Variants in NCKAP5 observed in about 807,000 individuals in gnomAD.
NCKAP5 encodes the protein nck-associated protein 5.
Under a neutral mutation model 167.0 loss-of-function variants are expected in NCKAP5, and 92 were observed. The ratio of observed to expected loss-of-function variants is 0.55; its 90% CI spans 0.47 to 0.66. The LOEUF is 0.66. NCKAP5 is among the 30% of genes least tolerant of loss of function. The probability of loss-of-function intolerance (pLI) is 0.00; values close to 1 mark genes in which losing one functional copy is unlikely to be tolerated. For missense variants in NCKAP5, 2,378 were observed against 2,315.0 expected, an observed-to-expected ratio of 1.03 and a Z score of -0.56; for synonymous variants, 891 against 877.4, an observed-to-expected ratio of 1.02 and a Z score of -0.27.
chr2:133,446,576 G>A (rs1691205408), intron 3 of NCKAP5, among the ~76,000 whole-genome samples: 1 of 152,150 alleles, frequency 6.6e-6, no homozygotes, highest in African/African-American at 2.4e-5. Context: ...GGGAGACCAG[G>A]CCGCCTGGTC....
chr2:132,759,126 T>G (rs1680794361), intron 16 of NCKAP5, among the ~76,000 whole-genome samples: 1 of 152,200 alleles, frequency 6.6e-6, no homozygotes, highest in African/African-American at 2.4e-5. Flanking sequence ...GGCTTTTTTT[T>G]TTCCAATCAA....
intron 4 of NCKAP5, among the ~76,000 whole-genome samples, chr2:133,226,115 A>G (rs2086877521): frequency 6.6e-6 from 1 of 151,624 alleles, no homozygotes; most frequent in African/African-American, 2.4e-5. Flanking sequence ...TTTTTAAAAA[A>G]TGTTTCTTAG....
chr2:133,373,960 T>A (rs753554584), intron 3 of NCKAP5, among the ~76,000 whole-genome samples: 9 of 152,174 alleles, frequency 5.9e-5, no homozygotes, highest in Non-Finnish European at 8.8e-5. Context: ...AAACACAGAA[T>A]GGTAAAACCC....
chr2:133,397,444 A>G (rs1433761886), intron 3 of NCKAP5, among the ~76,000 whole-genome samples: 1 of 152,216 alleles, frequency 6.6e-6, no homozygotes, highest in Non-Finnish European at 1.5e-5. Context: ...CACCTTCTCT[A>G]TGTAATTCAT....
intron 17 of NCKAP5, among the ~76,000 whole-genome samples, chr2:132,730,650 G>T (rs1315481068): frequency 1.3e-5 from 2 of 152,306 alleles, no homozygotes; most frequent in East Asian, 3.9e-4. Context: ...TTTAATCACG[G>T]AGTCTACAGC....
intron 15 of NCKAP5, among the ~76,000 whole-genome samples, chr2:132,778,040 C>T (rs375058374): frequency 1.3e-5 from 2 of 152,006 alleles, no homozygotes; most frequent in South Asian, 2.1e-4. Flanking sequence ...TTCTTTGAGA[C>T]TTTTCATTTC....
intron 3 of NCKAP5, among the ~76,000 whole-genome samples, chr2:133,460,620 T>C (rs1692144409): frequency 6.6e-6 from 1 of 152,168 alleles, no homozygotes; most frequent in African/African-American, 2.4e-5. Context: ...CATGAAAGAA[T>C]AGCCATTGAA....
intron 7 of NCKAP5, among the ~76,000 whole-genome samples, chr2:132,979,345 T>G (rs1186925708): frequency 1.3e-5 from 2 of 152,132 alleles, no homozygotes. Context: ...CTCCACACTC[T>G]GCTTCTTCAG....
intron 3 of NCKAP5, among the ~76,000 whole-genome samples, chr2:133,326,434 T>A (rs1317184963): frequency 8.0e-6 from 1 of 124,818 alleles, no homozygotes; most frequent in Non-Finnish European, 1.6e-5. Flanking sequence ...TCCAGCCTGG[T>A]GACAGAGCAA....
At chr2:133,060,796 A>C (rs2079971823) in intron 6 of NCKAP5, among the ~76,000 whole-genome samples, 1 of 152,204 alleles carries the variant, frequency 6.6e-6, no homozygotes, top group African/African-American at 2.4e-5. Context: ...AAGATTTATG[A>C]GGAGGCAGCA....
chr2:133,510,753 C>T (rs1683419984), intron 3 of NCKAP5, among the ~76,000 whole-genome samples: 1 of 152,196 alleles, frequency 6.6e-6, no homozygotes, highest in South Asian at 2.1e-4. Context: ...TGCTTCAGAG[C>T]TGTTAGCTGT....
At chr2:133,229,949 C>T (rs78943596) in intron 4 of NCKAP5, among the ~76,000 whole-genome samples, 2,399 of 149,752 alleles carry the variant, frequency 0.016, 61 homozygotes, top group South Asian at 0.057. Flanking sequence ...TACTCACACT[C>T]TCTCTGTGGG....
intron 2 of NCKAP5, among the ~76,000 whole-genome samples, chr2:133,532,355 T>G (rs187223595): frequency 2.6e-5 from 4 of 152,346 alleles, no homozygotes; most frequent in African/African-American, 7.2e-5. Flanking sequence ...CTTTCTCATA[T>G]GGGGAAATCC....
At chr2:132,906,626 G>C (rs1372869209) in intron 8 of NCKAP5, among the ~76,000 whole-genome samples, 1 of 152,152 alleles carries the variant, frequency 6.6e-6, no homozygotes, top group African/African-American at 2.4e-5. Flanking sequence ...TGCTTAGTTT[G>C]AACTTCCCAC....
At position 133,447,332 on chromosome 2, in the gene NCKAP5, A is replaced by T. The variant is rs569767364; in HGVS notation, c.69+70126T>A. Among the ~76,000 whole-genome samples the T allele has an allele frequency of 2.6e-5, 4 of 152,340 alleles. No homozygotes were observed. In the South Asian group the frequency reaches 8.3e-4, roughly 32 times the overall value. ...CTTGCACTCGTGCTTTTAGTAAAAT[A>T]GTCTTACGTAAATAATAAACCTGAA... On this transcript the variant is annotated intron_variant, in intron 3 of 19. Transcript: ENST00000409261.
chr2:132,987,831 G>C (rs1237161091), intron 7 of NCKAP5, among the ~76,000 whole-genome samples: 1 of 152,190 alleles, frequency 6.6e-6, no homozygotes, highest in South Asian at 2.1e-4. Context: ...AAAGGATGTC[G>C]AGTGACCTAA....
chr2:133,517,475 G>A lies in NCKAP5; in HGVS notation c.52C>T (p.Leu18=). ...GTACTTACCACAAGACTGCTGTCTAGAGACAGCCTTTTTCCAAAGTCCCTT... is the reference window on the plus strand; with the variant it reads ...GTACTTACCACAAGACTGCTGTCTAAAGACAGCCTTTTTCCAAAGTCCCTT... The part of the protein sequence containing the change: ...EKRDFGKRLS[L]DSSLVEYMDS... The change falls in exon 3 of 20, where the codon CTA becomes TTA. Residue 18 remains leucine (L), a synonymous_variant. Coordinates refer to ENST00000409261, the MANE Select transcript of NCKAP5 (RefSeq NM_207363.3). The A allele has an allele frequency of 6.6e-7, 1 of 1,524,598 alleles. No homozygotes were observed. Among genetic ancestry groups the A allele is most frequent in the South Asian group, 1.3e-5 (1 of 79,806 alleles). 94.4% of individuals were successfully genotyped at this position (1,524,598 alleles called of 1,614,324 possible). A position where few individuals can be genotyped will look rare whatever the true frequency, so the allele number is the denominator to read the frequency against.
chr2:133,116,581 A>G (rs114594223), intron 6 of NCKAP5, among the ~76,000 whole-genome samples: 107 of 152,206 alleles, frequency 7.0e-4, no homozygotes, highest in African/African-American at 2.5e-3. Flanking sequence ...TATATTCTCA[A>G]AGACACTGGA....
chr2:133,557,265 G>A (rs1687807725), intron 2 of NCKAP5, among the ~76,000 whole-genome samples: 1 of 152,126 alleles, frequency 6.6e-6, no homozygotes, highest in Non-Finnish European at 1.5e-5. Context: ...TGGAATGCTT[G>A]GTTGGTACAC....
Sources: gnomAD v4.1 joint callset for allele counts (sites outside exome capture counted in the v4.1 genomes callset) on GRCh38, gnomAD v4.1.1 for gene constraint, MANE v1.5 for transcripts, NCBI Gene and HGNC (gene_info 2026-07-23, HGNC 2026-07-21) for gene names.